ANKS1B: variants seen among roughly 807,000 people sequenced by gnomAD.
The protein encoded by ANKS1B is ankyrin repeat and sterile alpha motif domain containing 1B, also known as ankyrin repeat and sterile alpha motif domain-containing protein 1B.
Under a neutral mutation model 148.3 loss-of-function variants are expected in ANKS1B, and 36 were observed. The ratio of observed to expected loss-of-function variants is 0.24; its 90% confidence interval spans 0.19 to 0.32. The LOEUF (loss-of-function observed/expected upper bound fraction) is 0.32, where lower values mean the gene tolerates loss of function less well. ANKS1B is among the 10% of genes least tolerant of loss of function. The pLI, the probability that ANKS1B is intolerant of heterozygous loss-of-function variation, is 1.00. For missense variants in ANKS1B, 1,157 were observed against 1,542.6 expected (o/e 0.75, Z 4.19); for synonymous variants, 542 against 560.8 (o/e 0.97, Z 0.47).
At chr12:99,234,882 GA>G (rs1327278528) in intron 14 of ANKS1B, among the ~76,000 whole-genome samples, 4 of 152,010 alleles carry the variant, frequency 2.6e-5, no homozygotes, top group African/African-American at 9.7e-5. Flanking sequence ...CCTTGAGAGG[GA>G]AAAAACTGCA....
intron 1 of ANKS1B, among the ~76,000 whole-genome samples, chr12:99,840,565 T>C (rs1160668702): frequency 3.9e-5 from 6 of 152,006 alleles, no homozygotes; most frequent in Admixed American, 3.3e-4. Flanking sequence ...GGTAGCATCA[T>C]GTAGAGGGAA....
chr12:99,833,691 A>G (rs1440763740), intron 1 of ANKS1B, among the ~76,000 whole-genome samples: 1 of 152,184 alleles, frequency 6.6e-6, no homozygotes, highest in Admixed American at 6.5e-5. Flanking sequence ...AAATAGGAAA[A>G]TACTGCAAAT....
At chr12:98,873,155 T>A (rs1389716561) in intron 17 of ANKS1B, among the ~76,000 whole-genome samples, 1 of 152,218 alleles carries the variant, frequency 6.6e-6, no homozygotes, top group Non-Finnish European at 1.5e-5. Context: ...CTACACCCTA[T>A]AAACCCACCT....
intron 15 of ANKS1B, among the ~76,000 whole-genome samples, chr12:99,087,597 T>C (rs947464749): frequency 9.2e-5 from 14 of 152,230 alleles, no homozygotes; most frequent in African/African-American, 1.9e-4. Context: ...TGGACTAGTA[T>C]GGCATGAGCG....
chr12:99,688,767 G>A (rs1352506593), intron 8 of ANKS1B, among the ~76,000 whole-genome samples: 1 of 151,940 alleles, frequency 6.6e-6, no homozygotes, highest in Non-Finnish European at 1.5e-5. Context: ...CTTGAGCCCA[G>A]GAGTCCAAGG....
At chr12:99,582,563 T>C (rs2153229249) in intron 9 of ANKS1B, among the ~76,000 whole-genome samples, 1 of 152,310 alleles carries the variant, frequency 6.6e-6, no homozygotes, top group South Asian at 2.1e-4. Context: ...CATTATGCTA[T>C]GTGAATGAAT....
chr12:99,082,796 A>G (rs965616949), intron 16 of ANKS1B, among the ~76,000 whole-genome samples: 10 of 152,124 alleles, frequency 6.6e-5, no homozygotes, highest in African/African-American at 2.4e-4. Context: ...TGATATGATA[A>G]TATCTGAGTT....
intron 12 of ANKS1B, among the ~76,000 whole-genome samples, chr12:99,258,839 C>T (rs1047470171): frequency 6.6e-6 from 1 of 152,012 alleles, no homozygotes; most frequent in African/African-American, 2.4e-5. Context: ...TCCAAACATA[C>T]AAGAAATTAA....
chr12:99,331,909 T>C (rs528552191), intron 12 of ANKS1B, among the ~76,000 whole-genome samples: 1 of 152,062 alleles, frequency 6.6e-6, no homozygotes, highest in South Asian at 2.1e-4. Flanking sequence ...AAAACCTGAC[T>C]CTGGGAGCTG....
chr12:99,175,136 T>C (rs985693199), intron 14 of ANKS1B, among the ~76,000 whole-genome samples: 1 of 152,202 alleles, frequency 6.6e-6, no homozygotes, highest in African/African-American at 2.4e-5. Flanking sequence ...TAAAATAATA[T>C]AGAGACAAAA....
intron 14 of ANKS1B, among the ~76,000 whole-genome samples, chr12:99,157,597 A>G (rs558090867): frequency 6.6e-6 from 1 of 151,956 alleles, no homozygotes; most frequent in African/African-American, 2.4e-5. Context: ...GAGAGGGAAG[A>G]AAAAATGTGT....
intron 1 of ANKS1B, among the ~76,000 whole-genome samples, chr12:99,879,966 C>T (rs908829505): frequency 1.3e-5 from 2 of 152,244 alleles, no homozygotes; most frequent in African/African-American, 4.8e-5. Flanking sequence ...GGTAATATGA[C>T]GTAGCAGCTA....
At chr12:99,953,417 A>T (rs914807320) in intron 1 of ANKS1B, among the ~76,000 whole-genome samples, 3 of 152,204 alleles carry the variant, frequency 2.0e-5, no homozygotes, top group Non-Finnish European at 4.4e-5. Flanking sequence ...TCAATAGCAT[A>T]TGAGTACAAA....
intron 8 of ANKS1B, among the ~76,000 whole-genome samples, chr12:99,720,791 T>G (rs2058001080): frequency 6.6e-6 from 1 of 152,170 alleles, no homozygotes; most frequent in African/African-American, 2.4e-5. Context: ...TGTCTAGTCA[T>G]ACTCCTATTC....
chr12:98,853,827 G>A (rs2153783186), intron 17 of ANKS1B, among the ~76,000 whole-genome samples: 1 of 152,288 alleles, frequency 6.6e-6, no homozygotes, highest in South Asian at 2.1e-4. Flanking sequence ...CATGGGGCTG[G>A]CATGTGGTAG....
At chr12:99,891,125 C>T (rs2093080352) in intron 1 of ANKS1B, among the ~76,000 whole-genome samples, 1 of 152,090 alleles carries the variant, frequency 6.6e-6, no homozygotes, top group Non-Finnish European at 1.5e-5. Context: ...TAGATCACTC[C>T]TAAAACTTCT....
chr12:99,522,074 G>T (rs1296661331), intron 9 of ANKS1B, among the ~76,000 whole-genome samples: 1 of 152,220 alleles, frequency 6.6e-6, no homozygotes, highest in Non-Finnish European at 1.5e-5. Context: ...TCTACTGCAG[G>T]TAAGCTGGCT....
intron 8 of ANKS1B, among the ~76,000 whole-genome samples, chr12:99,717,710 C>T (rs1455904739): frequency 2.0e-5 from 3 of 152,088 alleles, no homozygotes; most frequent in Non-Finnish European, 2.9e-5. Flanking sequence ...TCACGGACGC[C>T]GAGCTTTAAG....
At chr12:99,297,818 C>CA (rs1415525947) in intron 12 of ANKS1B, among the ~76,000 whole-genome samples, 1 of 152,104 alleles carries the variant, frequency 6.6e-6, no homozygotes, top group Non-Finnish European at 1.5e-5. Context: ...TTCCCACTGG[C>CA]AACATGGTAA....
Sources: gnomAD v4.1 joint callset for allele counts (sites outside exome capture counted in the v4.1 genomes callset) on GRCh38, gnomAD v4.1.1 for gene constraint, MANE v1.5 for transcripts, NCBI Gene and HGNC (gene_info 2026-07-23, HGNC 2026-07-21) for gene names.